The following NPIPB11 variants were observed in gnomAD, a reference collection of about 807,000 sequenced individuals.
The protein encoded by NPIPB11 is nuclear pore complex interacting protein family member B11, also known as nuclear pore complex-interacting protein family member B11.
A neutral mutation model predicts 32.8 loss-of-function variants in NPIPB11; 17 were observed. The ratio of observed to expected loss-of-function variants is 0.52; its 90% CI spans 0.35 to 0.78. The LOEUF (loss-of-function observed/expected upper bound fraction) is 0.78, where lower values mean the gene tolerates loss of function less well. NPIPB11 is among the 30% of genes least tolerant of loss of function. NPIPB11 has a pLI of 0.01. For synonymous variants in NPIPB11, 209 were observed against 398.4 expected (o/e 0.52, Z 5.66); for missense variants, 537 against 1,000.4 (o/e 0.54, Z 6.25).
exon 8 of NPIPB11, chr16:29,383,052 C>G (rs760518003): frequency 1.1e-5 from 17 of 1,608,014 alleles, no homozygotes; most frequent in African/African-American, 2.7e-5. Flanking sequence ...CCCGCAGATG[C>G]TCAGCAGGTA....
chr16:29,397,648 G>C, intron 2 of NPIPB11: 1 of 1,422,568 alleles, frequency 7.0e-7, no homozygotes, highest in Non-Finnish European at 9.6e-7. Flanking sequence ...CGCATGTCCT[G>C]GTCCTTTCAG....
chr16:29,405,237 A>G (rs867549236), upstream of NPIPB11, among the ~76,000 whole-genome samples: 15 of 152,020 alleles, frequency 9.9e-5, no homozygotes, highest in African/African-American at 2.7e-4. Context: ...AGAAAAATCG[A>G]TATTGTAGGA....
Position 29,382,257 on chromosome 16 carries a change from G to T in NPIPB11, c.2675C>A (p.Ser892Ter). Residue 892 changes from serine (S) to a stop codon, truncating the protein, a stop_gained, in exon 8 of 8, where the codon TCA becomes TAA. Coordinates refer to ENST00000524087, the Ensembl canonical transcript of NPIPB11. LOFTEE classifies it high-confidence loss of function. ...AGGTGTCTTGAGATTATCATCCGCT[G>T]AGGGTGGAAGCGGAACCCACAGACG... 6.2e-7 allele frequency: 1 copy of T among 1,603,066 alleles called. No homozygotes were observed. The highest frequency in any genetic ancestry group is 8.5e-7 in the Non-Finnish European group (1 of 1,178,002).
In NPIPB11 at chr16:29,384,264, C is replaced by T. The variant is rs1276781148; in HGVS notation, c.668G>A (p.Arg223His). 9.3e-6 allele frequency: 10 copies of T among 1,079,630 alleles called. 1 individual carries two copies. The highest frequency in any genetic ancestry group is 2.9e-5 in the South Asian group (2 of 70,048). 66.9% of individuals were successfully genotyped at this position (1,079,630 alleles called of 1,614,324 possible). A position where few individuals can be genotyped will look rare whatever the true frequency, so the allele number is the denominator to read the frequency against. ...CCAGTAGGGCAATCCTGAAGAATGA[C>T]GATGCTCCGCTGCCGCCATTCTGAC... Residue 223 changes from arginine to histidine, a missense_variant, in exon 8 of 8, where the codon CGT becomes CAT. Transcript: ENST00000524087.
intron 3 of NPIPB11, among the ~76,000 whole-genome samples, chr16:29,392,110 G>A (rs955487765): frequency 4.6e-5 from 7 of 151,512 alleles, no homozygotes; most frequent in African/African-American, 1.7e-4. Flanking sequence ...AGGATTTCGA[G>A]AGAAGCAATG....
intron 2 of NPIPB11, among the ~76,000 whole-genome samples, chr16:29,400,930 T>A (rs1263729122): frequency 2.6e-5 from 4 of 152,064 alleles, no homozygotes; most frequent in African/African-American, 4.8e-5. Flanking sequence ...CCACAGACGA[T>A]TCCCTGTCCC....
At chr16:29,402,035 C>G (rs536683159) in intron 2 of NPIPB11, among the ~76,000 whole-genome samples, 31 of 151,644 alleles carry the variant, frequency 2.0e-4, no homozygotes, top group East Asian at 3.9e-4. Context: ...GTCAGACACA[C>G]GTAGGTTTCA....
At chr16:29,391,593 T>C (rs1280539122) in intron 3 of NPIPB11, among the ~76,000 whole-genome samples, 1 of 151,710 alleles carries the variant, frequency 6.6e-6, no homozygotes, top group African/African-American at 2.4e-5. Context: ...CCCACCAAGA[T>C]TTCCATATTA....
chr16:29,402,724 C>CTCTCTCTCTCTGTGTGTG (rs1449821025), intron 2 of NPIPB11, among the ~76,000 whole-genome samples: 9 of 119,668 alleles, frequency 7.5e-5, no homozygotes, highest in East Asian at 2.9e-4. Flanking sequence ...CTCTCTCTCT[C>CTCTCTCTCTCTGTGTGTG]TGTGTGTGTG....
intron 2 of NPIPB11, among the ~76,000 whole-genome samples, chr16:29,399,785 A>G (rs535480864): frequency 1.3e-5 from 2 of 151,592 alleles, no homozygotes; most frequent in Non-Finnish European, 1.5e-5. Context: ...GCCATGTTCC[A>G]GCCCTAGATT....
intron 5 of NPIPB11, among the ~76,000 whole-genome samples, 160 bp downstream of exon 5, chr16:29,389,780 AT>A (rs1274953495): frequency 6.6e-6 from 1 of 151,688 alleles, no homozygotes; most frequent in Non-Finnish European, 1.5e-5. Context: ...AGGGAAAGGA[AT>A]TATACAGCTT....
intron 2 of NPIPB11, among the ~76,000 whole-genome samples, chr16:29,403,138 C>T (rs1358772130): frequency 2.8e-5 from 4 of 144,130 alleles, no homozygotes; most frequent in African/African-American, 5.2e-5. Flanking sequence ...AGTGCAATGG[C>T]GTGATCTCGG....
rs1392394906 is a variant in NPIPB11 at position 29,400,000 on chromosome 16, C to A, written c.120+3683G>T. Reference sequence around the variant, plus strand: ...ACTGAGGCAGGACAATCCCTTGAACCCAGGAGGTGGAGGTTGCAGTGAGCC... The same window carrying A: ...ACTGAGGCAGGACAATCCCTTGAACACAGGAGGTGGAGGTTGCAGTGAGCC... On this transcript the variant is annotated intron_variant, in intron 2 of 7. Transcript: ENST00000524087. Among the ~76,000 whole-genome samples, 4 of 151,916 alleles carry A rather than the reference C, an allele frequency of 2.6e-5. No individual in the cohort carries two copies. The East Asian group carries it at 7.8e-4, about 30-fold the overall frequency.
chr16:29,382,063 AGGGTG>A lies in NPIPB11; in HGVS notation c.2864_2868del (p.Pro955LeufsTer4). 4.4e-6 allele frequency: 2 copies of A among 458,490 alleles called. No individual in the cohort carries two copies. Among genetic ancestry groups the A allele is most frequent in the South Asian group, 4.3e-5 (2 of 46,366 alleles). 28.4% of individuals were successfully genotyped at this position (458,490 alleles called of 1,614,324 possible). Reference sequence around the variant, plus strand: ...GGTGTCTTGATATTATCATCTGCTGAGGGTGGAGCTGAGGGTGGAAGGGGAGTGAG... The same window carrying A: ...GGTGTCTTGATATTATCATCTGCTGAGAGCTGAGGGTGGAAGGGGAGTGAG... On this transcript the variant is annotated frameshift_variant, in exon 8 of 8. Coordinates refer to ENST00000524087, the Ensembl canonical transcript of NPIPB11. LOFTEE classifies it high-confidence loss of function.
chr16:29,399,628 G>T (rs570110997), intron 2 of NPIPB11, among the ~76,000 whole-genome samples: 2 of 152,124 alleles, frequency 1.3e-5, no homozygotes, highest in East Asian at 3.9e-4. Context: ...AACCCAGGAG[G>T]CAGAGTCTGC....
intron 2 of NPIPB11, among the ~76,000 whole-genome samples, chr16:29,399,693 G>A (rs555833236): frequency 2.0e-5 from 3 of 151,982 alleles, no homozygotes; most frequent in African/African-American, 7.2e-5. Flanking sequence ...GCGAGACTCT[G>A]TCTCAAAAAC....
intron 2 of NPIPB11, among the ~76,000 whole-genome samples, chr16:29,397,321 C>T (rs1211232820): frequency 3.3e-5 from 5 of 151,820 alleles, no homozygotes; most frequent in Admixed American, 1.3e-4. Flanking sequence ...ATCCTCCCAC[C>T]TCAGCCTCTC....
chr16:29,383,943 G>A, exon 8 of NPIPB11: 2 of 1,405,294 alleles, frequency 1.4e-6, no homozygotes, highest in South Asian at 1.2e-5. Context: ...CTCGGCACGT[G>A]TCTTGAGATT....
At chr16:29,391,718 G>A (rs1963727437) in intron 3 of NPIPB11, among the ~76,000 whole-genome samples, 1 of 152,098 alleles carries the variant, frequency 6.6e-6, no homozygotes, top group African/African-American at 2.4e-5. Flanking sequence ...TCCTGAGGTA[G>A]TCATTGAAAT....
Sources: allele counts gnomAD v4.1 joint callset (sites outside exome capture counted in the v4.1 genomes callset), GRCh38; gene constraint gnomAD v4.1.1; transcripts MANE v1.5; gene names NCBI Gene and HGNC (gene_info 2026-07-23, HGNC 2026-07-21).